The following PDE1A variants were observed in gnomAD, a reference collection of about 807,000 sequenced individuals.
PDE1A encodes the protein dual specificity calcium/calmodulin-dependent 3',5'-cyclic nucleotide phosphodiesterase 1A.
In PDE1A, 35 loss-of-function variants were observed where a neutral mutation model predicts 61.7. The observed-to-expected ratio is 0.57, with a 90% CI of 0.43 to 0.75. PDE1A has a LOEUF of 0.75. PDE1A is among the 30% of genes least tolerant of loss of function. The pLI is 0.00. For synonymous variants in PDE1A, 232 were observed against 213.2 expected, an observed-to-expected ratio of 1.09 and a Z score of -0.77; for missense variants, 597 against 630.6, an observed-to-expected ratio of 0.95 and a Z score of 0.57.
intron 1 of PDE1A, among the ~76,000 whole-genome samples, chr2:182,421,366 G>A (rs921053837): frequency 5.3e-5 from 8 of 152,006 alleles, no homozygotes; most frequent in Admixed American, 2.0e-4. Flanking sequence ...CATTTTAATC[G>A]TACCCTGTTC....
intron 1 of PDE1A, among the ~76,000 whole-genome samples, chr2:182,352,901 AT>A (rs1698971323): frequency 6.6e-6 from 1 of 152,244 alleles, no homozygotes; most frequent in African/African-American, 2.4e-5. Flanking sequence ...ATTAAAAAAA[AT>A]AAATCAACAA....
At chr2:182,220,242 C>G (rs1688606429) in intron 7 of PDE1A, among the ~76,000 whole-genome samples, 1 of 151,960 alleles carries the variant, frequency 6.6e-6, no homozygotes, top group South Asian at 2.1e-4. Flanking sequence ...GTATAATTCT[C>G]ATTGAAGAGA....
Position 182,388,282 on chromosome 2 carries a change from A to T in PDE1A, c.53+38296T>A, listed in dbSNP as rs1015986464. On this transcript the variant is annotated intron_variant, in intron 1 of 13. Transcript: ENST00000351439. The stretch of plus-strand genomic sequence containing the variant: ...CAGCAATGAACAGATTCAACCAGAC[A>T]GAAAATCAAGAAGGAAACATCAAAG... Among the ~76,000 whole-genome samples the T allele has an allele frequency of 5.3e-5, 8 of 152,332 alleles. 1 individual carries two copies. The highest frequency in any genetic ancestry group is 3.3e-4 in the Admixed American group (5 of 15,298).
intron 1 of PDE1A, among the ~76,000 whole-genome samples, chr2:182,296,330 G>A (rs778555475): frequency 3.9e-5 from 6 of 152,138 alleles, no homozygotes; most frequent in Non-Finnish European, 8.8e-5. Context: ...GGACAGTGGG[G>A]ATGAAGTCAA....
chr2:182,467,938 A>G (rs900127246), intron 2 of PDE1A, among the ~76,000 whole-genome samples: 2 of 152,042 alleles, frequency 1.3e-5, no homozygotes, highest in Non-Finnish European at 2.9e-5. Flanking sequence ...GTAATTTATT[A>G]AGTGTGAAAT....
chr2:182,470,761 TA>T (rs1686976936), intron 2 of PDE1A, among the ~76,000 whole-genome samples: 1 of 151,794 alleles, frequency 6.6e-6, no homozygotes, highest in Admixed American at 6.6e-5. Flanking sequence ...ATAGGTACTA[TA>T]TACGAACACA....
At chr2:182,168,759 AAAAG>A (rs1691844700) in intron 13 of PDE1A, among the ~76,000 whole-genome samples, 1 of 152,148 alleles carries the variant, frequency 6.6e-6, no homozygotes, top group Non-Finnish European at 1.5e-5. Context: ...TTCAAAATAA[AAAAG>A]AATAAAATCA....
At chr2:182,144,540 C>A (rs944987657), downstream of PDE1A, among the ~76,000 whole-genome samples, 2 of 152,162 alleles carry the variant, frequency 1.3e-5, no homozygotes, top group African/African-American at 4.8e-5. Flanking sequence ...TTTATGAAGT[C>A]TCAACACGGC....
intron 1 of PDE1A, among the ~76,000 whole-genome samples, chr2:182,369,900 C>A (rs899460918): frequency 6.6e-6 from 1 of 152,124 alleles, no homozygotes; most frequent in Non-Finnish European, 1.5e-5. Context: ...ATTGGCTGGG[C>A]GCAGTGGCTC....
At chr2:182,676,052 C>T in the PDE1A span, among the ~76,000 whole-genome samples, 10,141 of 152,056 alleles carry the variant, frequency 0.067, 1,087 homozygotes, top group African/African-American at 0.23. Flanking sequence ...GATGGTAGTG[C>T]CTAGGTTGTC....
intron 13 of PDE1A, among the ~76,000 whole-genome samples, chr2:182,169,040 T>C (rs1228647688): frequency 6.6e-6 from 1 of 151,316 alleles, no homozygotes; most frequent in Non-Finnish European, 1.5e-5. Context: ...TCATGCGCAA[T>C]ATAATGCTAT....
At chr2:182,306,117 T>C (rs911154705) in intron 1 of PDE1A, among the ~76,000 whole-genome samples, 3 of 152,164 alleles carry the variant, frequency 2.0e-5, no homozygotes, top group African/African-American at 7.2e-5. Context: ...TATACATAAA[T>C]GAGAACATGT....
At chr2:182,533,895 A>T in the PDE1A span, among the ~76,000 whole-genome samples, 2 of 152,136 alleles carry the variant, frequency 1.3e-5, no homozygotes, top group Non-Finnish European at 2.9e-5. Flanking sequence ...GCACTTTTCT[A>T]GATATCTTTA....
At chr2:182,155,923 C>T (rs908964761) in intron 13 of PDE1A, among the ~76,000 whole-genome samples, 47 of 152,012 alleles carry the variant, frequency 3.1e-4, no homozygotes, top group African/African-American at 8.2e-4. Context: ...AGCTCAAGGG[C>T]GGGGCCAGGT....
chr2:182,266,971 GGT>G (rs1692677413), intron 1 of PDE1A, among the ~76,000 whole-genome samples: 1 of 152,160 alleles, frequency 6.6e-6, no homozygotes, highest in African/African-American at 2.4e-5. Flanking sequence ...ATTATTTTGT[GGT>G]TTCTTTTATA....
intron 1 of PDE1A, among the ~76,000 whole-genome samples, chr2:182,403,217 T>C (rs374186051): frequency 6.6e-6 from 1 of 152,180 alleles, no homozygotes; most frequent in East Asian, 1.9e-4. Flanking sequence ...CAAAGACACA[T>C]GCACACATAT....
intron 2 of PDE1A, among the ~76,000 whole-genome samples, chr2:182,439,475 G>A (rs1684652755): frequency 6.6e-6 from 1 of 151,982 alleles, no homozygotes; most frequent in Non-Finnish European, 1.5e-5. Context: ...AGAGAGAATT[G>A]GGAGTCAGGA....
chr2:182,191,735 G>T, intron 10 of PDE1A, among the ~76,000 whole-genome samples: 1 of 147,860 alleles, frequency 6.8e-6, no homozygotes, highest in African/African-American at 2.5e-5. Flanking sequence ...GCTGCTATCT[G>T]GTATTTAAGG....
intron 2 of PDE1A, among the ~76,000 whole-genome samples, chr2:182,240,892 T>G (rs543907566): frequency 1.3e-5 from 2 of 151,448 alleles, no homozygotes; most frequent in East Asian, 3.9e-4. Flanking sequence ...ATTTTAAAAG[T>G]GAAAAAAAAA....
Sources: allele counts gnomAD v4.1 joint callset (sites outside exome capture counted in the v4.1 genomes callset), GRCh38; gene constraint gnomAD v4.1.1; transcripts MANE v1.5; gene names NCBI Gene and HGNC (gene_info 2026-07-23, HGNC 2026-07-21).